Variants in TTC27 observed in about 807,000 individuals in gnomAD.
TTC27 encodes tetratricopeptide repeat protein 27.
Under a neutral mutation model 115.9 loss-of-function variants are expected in TTC27, and 79 were observed. The ratio of observed to expected loss-of-function variants is 0.68; its 90% CI spans 0.57 to 0.82. The LOEUF (loss-of-function observed/expected upper bound fraction) is 0.82. Among genes scored for constraint, TTC27 ranks in the 40% least tolerant of loss-of-function variants. TTC27 has a pLI of 0.00. For synonymous variants in TTC27, 401 were observed against 356.0 expected, an observed-to-expected ratio of 1.13 and a Z score of -1.42; for missense variants, 1,054 against 993.1, an observed-to-expected ratio of 1.06 and a Z score of -0.82.
chr2:32,810,638 C>T lies in TTC27; in HGVS notation c.1999-386C>T, dbSNP rs72862746. On this transcript the variant is annotated intron_variant, in intron 16 of 19. Transcript: ENST00000317907. ...GGTATTGAGGTGCACAGTCCTGGAG[C>T]TCCAGAGGGGAATCTGGCTGGAGCT... 1.6e-3 allele frequency among the ~76,000 whole-genome samples: 251 copies of T among 152,236 alleles called. 1 individual carries two copies. The highest frequency in any genetic ancestry group is 5.4e-3 in the African/African-American group (226 of 41,536).
At chr2:32,752,146 G>A (rs1055686200) in intron 12 of TTC27, among the ~76,000 whole-genome samples, 14 of 152,208 alleles carry the variant, frequency 9.2e-5, no homozygotes, top group East Asian at 5.8e-4. Flanking sequence ...AACCACCCCC[G>A]TTAAAATCAG....
At chr2:32,719,336 T>G (rs1454182024) in intron 10 of TTC27, among the ~76,000 whole-genome samples, 3 of 152,124 alleles carry the variant, frequency 2.0e-5, no homozygotes, top group Middle Eastern at 3.2e-3. Context: ...AAGGTCAAAA[T>G]GTTTAAAGGA....
At chr2:32,643,833 G>A (rs924952233) in intron 4 of TTC27, among the ~76,000 whole-genome samples, 9 of 151,852 alleles carry the variant, frequency 5.9e-5, no homozygotes, top group South Asian at 2.1e-4. Context: ...TCAGGAGTTC[G>A]ACACCAGTCT....
At chr2:32,702,756 A>T in intron 9 of TTC27, 51 bp from the exon 10 acceptor site, 1 of 1,203,296 alleles carries the variant, frequency 8.3e-7, no homozygotes, top group South Asian at 1.2e-5. Flanking sequence ...TCAGAATGAG[A>T]TCACCTAGCT....
At chr2:32,789,599 T>C (rs752435129) in intron 16 of TTC27, among the ~76,000 whole-genome samples, 5 of 152,092 alleles carry the variant, frequency 3.3e-5, no homozygotes, top group African/African-American at 9.7e-5. Flanking sequence ...ATCAAAATCA[T>C]TGGAATTTTA....
chr2:32,734,030 C>A, intron 11 of TTC27, 107 bp downstream of exon 11: 1 of 764,008 alleles, frequency 1.3e-6, no homozygotes, highest in Admixed American at 2.7e-5. Context: ...AAATATTTTG[C>A]TAAAGATAAT....
At chr2:32,643,428 C>T (rs889125121) in intron 4 of TTC27, among the ~76,000 whole-genome samples, 1 of 152,052 alleles carries the variant, frequency 6.6e-6, no homozygotes, top group Non-Finnish European at 1.5e-5. Flanking sequence ...GCCTCAGCCT[C>T]CCTAGTAGCT....
intron 16 of TTC27, among the ~76,000 whole-genome samples, chr2:32,806,653 G>A (rs1437452610): frequency 9.9e-5 from 15 of 151,992 alleles, no homozygotes; most frequent in Non-Finnish European, 2.9e-5. Context: ...ATGGTGGCAC[G>A]CGCCTGTAGT....
At chr2:32,630,959 G>T (rs867614337) in intron 2 of TTC27, among the ~76,000 whole-genome samples, 12 of 152,040 alleles carry the variant, frequency 7.9e-5, no homozygotes, top group South Asian at 4.2e-4. Flanking sequence ...CTTAGGTCTG[G>T]TCGGCTTTAC....
chr2:32,668,560 C>CCCTTCCTTCCTTCCTTCCTTCCTTCCTT (rs1553547640), intron 7 of TTC27, among the ~76,000 whole-genome samples: 27 of 15,980 alleles, frequency 1.7e-3, no homozygotes, highest in South Asian at 4.5e-3. Flanking sequence ...CTCCCTCCCT[C>CCCTTCCTTCCTTCCTTCCTTCCTTCCTT]CCTTCCTTCC....
chr2:32,672,527 T>G, intron 8 of TTC27, 143 bp downstream of exon 8: 2 of 567,062 alleles, frequency 3.5e-6, no homozygotes, highest in East Asian at 5.8e-5. Context: ...AGGAAATACT[T>G]GGAGAACCAA....
At chr2:32,744,767 A>G (rs1445557237) in intron 12 of TTC27, among the ~76,000 whole-genome samples, 62 of 152,098 alleles carry the variant, frequency 4.1e-4, no homozygotes, top group Non-Finnish European at 5.9e-5. Flanking sequence ...ACATACATCC[A>G]TGGCCGGGCG....
At chr2:32,689,443 A>G (rs1226917535) in intron 9 of TTC27, among the ~76,000 whole-genome samples, 1 of 152,190 alleles carries the variant, frequency 6.6e-6, no homozygotes, top group African/African-American at 2.4e-5. Flanking sequence ...AGTACAACAC[A>G]AACTATTCAA....
At chr2:32,633,800 T>A (rs1664307084) in intron 2 of TTC27, 76 bp from the exon 3 acceptor site, 1 of 1,462,524 alleles carries the variant, frequency 6.8e-7, no homozygotes, top group Admixed American at 2.0e-5. Flanking sequence ...TTAATAAAAC[T>A]GAAATGGAAT....
intron 7 of TTC27, among the ~76,000 whole-genome samples, chr2:32,667,983 A>C (rs980499142): frequency 6.6e-6 from 1 of 151,646 alleles, no homozygotes; most frequent in African/African-American, 2.4e-5. Flanking sequence ...CAGGAGATTG[A>C]GACCATCCTG....
chr2:32,668,485 GTTTT>G (rs963086415), intron 7 of TTC27, among the ~76,000 whole-genome samples: 1 of 148,722 alleles, frequency 6.7e-6, no homozygotes, highest in Non-Finnish European at 1.5e-5. Flanking sequence ...AATTTTAATC[GTTTT>G]TTTGCTTGTT....
chr2:32,818,564 G>T (rs143681957), intron 19 of TTC27, among the ~76,000 whole-genome samples: 1 of 152,256 alleles, frequency 6.6e-6, no homozygotes, highest in African/African-American at 2.4e-5. Context: ...TTCAGGTCTG[G>T]GATGGACCCA....
At chr2:32,687,001 C>CGAA (rs1400751293) in intron 9 of TTC27, among the ~76,000 whole-genome samples, 1 of 152,098 alleles carries the variant, frequency 6.6e-6, no homozygotes, top group Non-Finnish European at 1.5e-5. Context: ...TGCACCACTA[C>CGAA]ACCCAGCTAG....
At position 32,792,699 on chromosome 2, in the gene TTC27, T is replaced by G. The variant is rs145071989; in HGVS notation, c.1998+5550T>G. Among the ~76,000 whole-genome samples, 1,155 of 152,232 alleles carry G rather than the reference T, an allele frequency of 7.6e-3. 5 individuals are homozygous for G. Among genetic ancestry groups the G allele is most frequent in the Non-Finnish European group, 0.012 (844 of 67,992 alleles). On this transcript the variant is annotated intron_variant, in intron 16 of 19. Transcript: ENST00000317907. ...CTTGGCCTGGAGCCCTCCTGGTAGTTTTTGTAATGGGTTAAGGCAGTCCTA... is the reference window on the plus strand; with the variant it reads ...CTTGGCCTGGAGCCCTCCTGGTAGTGTTTGTAATGGGTTAAGGCAGTCCTA...
Sources: gnomAD v4.1 joint callset for allele counts (sites outside exome capture counted in the v4.1 genomes callset) on GRCh38, gnomAD v4.1.1 for gene constraint, MANE v1.5 for transcripts, NCBI Gene and HGNC (gene_info 2026-07-23, HGNC 2026-07-21) for gene names.